Variants in KRABD5 observed in about 807,000 individuals in gnomAD.
KRABD5 encodes the protein KRAB domain containing 5, also known as KRAB domain-containing protein 5.
chr16:31,725,777 C>T, the KRABD5 span, among the ~76,000 whole-genome samples: 1 of 152,002 alleles, frequency 6.6e-6, no homozygotes, highest in African/African-American at 2.4e-5. Context: ...TTATGTAATC[C>T]CTGGAAGACT....
chr16:31,717,359 A>G, the KRABD5 span, among the ~76,000 whole-genome samples: 63 of 152,320 alleles, frequency 4.1e-4, no homozygotes, highest in East Asian at 0.011. Flanking sequence ...AACTATAGGT[A>G]GCAAAGAAGA....
chr16:31,751,104 A>G, the KRABD5 span, among the ~76,000 whole-genome samples: 2 of 152,164 alleles, frequency 1.3e-5, no homozygotes. Context: ...TTAAATTTCT[A>G]TATGTTAGAC....
chr16:31,723,249 A>G, the KRABD5 span: 4 of 1,611,674 alleles, frequency 2.5e-6, no homozygotes, highest in Non-Finnish European at 3.4e-6. Context: ...ACTTTTTCTA[A>G]TAAAACAGGT....
chr16:31,744,329 A>C, the KRABD5 span, among the ~76,000 whole-genome samples: 1 of 151,976 alleles, frequency 6.6e-6, no homozygotes, highest in Non-Finnish European at 1.5e-5. Context: ...AGTTTTTAAC[A>C]TGAAGGAATG....
chr16:31,754,064 TC>T, the KRABD5 span: 1 of 852,260 alleles, frequency 1.2e-6, no homozygotes, highest in Non-Finnish European at 1.9e-6. Context: ...AGTGTCAACA[TC>T]AATTTTTGAA....
the KRABD5 span, chr16:31,723,239 A>T: frequency 6.2e-7 from 1 of 1,609,134 alleles, no homozygotes; most frequent in East Asian, 2.2e-5. Flanking sequence ...GAGTCATGTG[A>T]CTTTTTCTAA....
At chr16:31,733,276 AAAT>A in the KRABD5 span, among the ~76,000 whole-genome samples, 1 of 151,886 alleles carries the variant, frequency 6.6e-6, no homozygotes, top group African/African-American at 2.4e-5. Flanking sequence ...GTAGTTAAGG[AAAT>A]AATCTTAAAT....
At chr16:31,718,289 A>G in the KRABD5 span, among the ~76,000 whole-genome samples, 6 of 152,286 alleles carry the variant, frequency 3.9e-5, no homozygotes, top group Middle Eastern at 6.8e-3. Flanking sequence ...AGCCAGGTTG[A>G]TTCCACCTGG....
chr16:31,726,884 T>A, the KRABD5 span, among the ~76,000 whole-genome samples: 1 of 152,220 alleles, frequency 6.6e-6, no homozygotes, highest in Admixed American at 6.5e-5. Flanking sequence ...TGTGGACATT[T>A]TATCAGTATT....
the KRABD5 span, among the ~76,000 whole-genome samples, chr16:31,721,660 A>G: frequency 6.6e-6 from 1 of 152,222 alleles, no homozygotes; most frequent in Admixed American, 6.5e-5. Context: ...CTAGGATGAC[A>G]TCTAGTAAAT....
At chr16:31,721,100 A>G in the KRABD5 span, among the ~76,000 whole-genome samples, 3 of 152,242 alleles carry the variant, frequency 2.0e-5, no homozygotes, top group Admixed American at 2.0e-4. Context: ...AACTTGGGGA[A>G]AAGAACTAGA....
At chr16:31,759,452 T>C in the KRABD5 span, 1 of 1,523,122 alleles carries the variant, frequency 6.6e-7, no homozygotes, top group Non-Finnish European at 8.9e-7. Context: ...GATGAAAGTG[T>C]TGCTTCGAAA....
At chr16:31,750,715 G>T in the KRABD5 span, among the ~76,000 whole-genome samples, 1 of 150,280 alleles carries the variant, frequency 6.7e-6, no homozygotes, top group African/African-American at 2.4e-5. Context: ...GTTTGTTGAG[G>T]GGTTTTTTTT....
the KRABD5 span, among the ~76,000 whole-genome samples, chr16:31,735,756 A>G: frequency 6.6e-6 from 1 of 152,072 alleles, no homozygotes; most frequent in African/African-American, 2.4e-5. Flanking sequence ...GCACATTTTT[A>G]AATTGGATTG....
At chr16:31,758,348 A>G in the KRABD5 span, 1 of 152,212 alleles carries the variant, frequency 6.6e-6, no homozygotes, top group Admixed American at 6.5e-5. Flanking sequence ...AATGAAATCT[A>G]CAATATTTAA....
chr16:31,723,063 A>G, the KRABD5 span, among the ~76,000 whole-genome samples: 3 of 152,226 alleles, frequency 2.0e-5, no homozygotes, highest in Non-Finnish European at 2.9e-5. Flanking sequence ...TGATTTAGTC[A>G]TACTTGGAAG....
the KRABD5 span, chr16:31,758,441 C>T: frequency 4.0e-5 from 6 of 150,942 alleles, no homozygotes; most frequent in East Asian, 2.0e-4. Context: ...GAAGATTCCC[C>T]GAGGAATTCA....
At chr16:31,754,837 C>T in the KRABD5 span, 1 of 469,220 alleles carries the variant, frequency 2.1e-6, no homozygotes, top group East Asian at 6.8e-5. Flanking sequence ...ATCGTTCACA[C>T]CTTACTCAAC....
the KRABD5 span, among the ~76,000 whole-genome samples, chr16:31,725,979 G>A: frequency 6.6e-6 from 1 of 152,106 alleles, no homozygotes; most frequent in South Asian, 2.1e-4. Flanking sequence ...GTTTGATGTA[G>A]TCCCGCTTGT....
Sources: gnomAD v4.1 joint callset for allele counts (sites outside exome capture counted in the v4.1 genomes callset) on GRCh38, gnomAD v4.1.1 for gene constraint, MANE v1.5 for transcripts, NCBI Gene and HGNC (gene_info 2026-07-23, HGNC 2026-07-21) for gene names.